ADD3: variants seen among roughly 807,000 people sequenced by gnomAD.
The protein encoded by ADD3 is adducin 3.
A neutral mutation model predicts 80.2 loss-of-function variants in ADD3; 25 were observed. The ratio of observed to expected loss-of-function variants is 0.31; its 90% CI spans 0.23 to 0.44. The LOEUF (loss-of-function observed/expected upper bound fraction) is 0.44, where lower values mean the gene tolerates loss of function less well. Among genes scored for constraint, ADD3 ranks in the 20% least tolerant of loss-of-function variants. ADD3 has a pLI of 1.00. For synonymous variants in ADD3, 284 were observed against 289.6 expected (o/e 0.98, Z 0.20); for missense variants, 829 against 847.5 (o/e 0.98, Z 0.27).
At chr10:110,009,705 C>T (rs1482992089) in intron 1 of ADD3, among the ~76,000 whole-genome samples, 1 of 152,168 alleles carries the variant, frequency 6.6e-6, no homozygotes, top group Non-Finnish European at 1.5e-5. Context: ...AAGGCAGCTA[C>T]ATTTAACTCT....
intron 1 of ADD3, among the ~76,000 whole-genome samples, chr10:109,996,867 C>T (rs1851390259): frequency 6.6e-6 from 1 of 152,240 alleles, no homozygotes; most frequent in South Asian, 2.1e-4. Flanking sequence ...TCTTCGGCCT[C>T]AATGAATTGT....
chr10:110,129,315 A>C lies in ADD3; in HGVS notation c.1609-1048A>C, dbSNP rs1411440782. 4.0e-5 allele frequency among the ~76,000 whole-genome samples: 6 copies of C among 151,876 alleles called. No homozygotes were observed. In the East Asian group the frequency reaches 1.2e-3, roughly 29 times the overall value. On this transcript the variant is annotated intron_variant, in intron 12 of 14. Coordinates refer to ENST00000356080, the MANE Select transcript of ADD3 (RefSeq NM_016824.5). ...CAGGCATGCACCACCATGCCCGGCT[A>C]ATTTTGTATTTTTAGTAGAGGCAGG... is the stretch of plus-strand genomic sequence containing the variant.
rs1480990026 is a variant in ADD3, at chr10:110,079,517, CTT to C, written c.-29-21104_-29-21103del. On this transcript the variant is annotated intron_variant, in intron 1 of 14. Transcript: ENST00000356080. ...GTGTGTGTGTGATCTACCTGAACAT[CTT>C]TTTAATACATATAAAATTATACCAT... is the stretch of plus-strand genomic sequence containing the variant. Among the ~76,000 whole-genome samples the C allele has an allele frequency of 3.0e-5, 4 of 133,478 alleles. No individual in the cohort carries two copies. The South Asian group carries it at 7.6e-4, about 25-fold the overall frequency. 87.6% of individuals were successfully genotyped at this position (133,478 alleles called of 152,430 possible).
chr10:110,008,643 C>G (rs1851943667), intron 1 of ADD3, among the ~76,000 whole-genome samples: 1 of 152,160 alleles, frequency 6.6e-6, no homozygotes, highest in Non-Finnish European at 1.5e-5. Flanking sequence ...AAATCAGTTA[C>G]TGGCTGAAGC....
Position 110,100,753 on chromosome 10 carries a change from G to GA in ADD3, c.102dup (p.Tyr35IlefsTer3). The GA allele has an allele frequency of 6.2e-7, 1 of 1,613,956 alleles. No homozygotes were observed. Among genetic ancestry groups the GA allele is most frequent in the Non-Finnish European group, 8.5e-7 (1 of 1,179,936 alleles). On this transcript the variant is annotated frameshift_variant, in exon 2 of 15. Transcript: ENST00000356080. LOFTEE classifies it high-confidence loss of function. The stretch of plus-strand genomic sequence containing the variant: ...TGACCGCATCAATGAAAATGACCCA[G>GA]AATACATTAGGGAGAGGAACATGTC...
At chr10:110,107,767 C>T (rs1443760972) in intron 2 of ADD3, among the ~76,000 whole-genome samples, 1 of 152,138 alleles carries the variant, frequency 6.6e-6, no homozygotes, top group Non-Finnish European at 1.5e-5. Flanking sequence ...TAAGAGCATG[C>T]AGTACAGCAC....
Position 110,118,571 on chromosome 10 carries a change from T to C in ADD3, c.568-16T>C. The C allele has an allele frequency of 6.2e-7, 1 of 1,611,898 alleles. No individual in the cohort carries two copies. Among genetic ancestry groups the C allele is most frequent in the South Asian group, 1.1e-5 (1 of 91,014 alleles). On this transcript the variant is annotated splice_polypyrimidine_tract_variant and intron_variant, in intron 5 of 14. Transcript: ENST00000356080. The stretch of plus-strand genomic sequence containing the variant: ...ACGTATATACCAGTTAAATATGTCC[T>C]TCTGATTTTTTCCAGGTGAAAGTCA...
chr10:110,110,023 T>C (rs1225248246), intron 2 of ADD3, among the ~76,000 whole-genome samples: 3 of 152,226 alleles, frequency 2.0e-5, no homozygotes, highest in Non-Finnish European at 4.4e-5. Flanking sequence ...TTTTGAGCTT[T>C]TATTATATTG....
chr10:110,104,961 T>C (rs1849248648), intron 2 of ADD3, among the ~76,000 whole-genome samples: 1 of 152,188 alleles, frequency 6.6e-6, no homozygotes, highest in South Asian at 2.1e-4. Context: ...ATTCTGCCTA[T>C]ATGTTTTTAT....
chr10:110,001,508 A>C (rs1046396751), upstream of ADD3, among the ~76,000 whole-genome samples: 9 of 152,208 alleles, frequency 5.9e-5, no homozygotes, highest in African/African-American at 2.2e-4. Context: ...TTTTGTGCTT[A>C]TCTGAATCTC....
At chr10:110,031,013 C>T (rs577846161) in intron 1 of ADD3, among the ~76,000 whole-genome samples, 52 of 151,894 alleles carry the variant, frequency 3.4e-4, no homozygotes, top group Non-Finnish European at 5.3e-4. Context: ...CGGTGGCTCA[C>T]GCCTGTAATC....
Position 110,134,100 on chromosome 10 carries a change from A to C in ADD3, c.*482A>C, listed in dbSNP as rs540715726. On this transcript the variant is annotated 3_prime_UTR_variant, in exon 15 of 15. Coordinates refer to ENST00000356080, the MANE Select transcript of ADD3 (RefSeq NM_016824.5). ...AACTTCTAAGACAAGAATCTATAGC[A>C]TTAGTATACACTGGCACATAATTTT... 6.6e-6 allele frequency: 1 copy of C among 152,652 alleles called. No homozygotes were observed. The highest frequency in any genetic ancestry group is 6.5e-5 in the Admixed American group (1 of 15,286). The allele number at this position is 152,652 out of a possible 1,614,324, so 9.5% of individuals were successfully genotyped here. A position where few individuals can be genotyped will look rare whatever the true frequency, so the allele number is the denominator to read the frequency against.
chr10:110,049,757 G>C (rs897115591), intron 1 of ADD3, among the ~76,000 whole-genome samples: 8 of 152,072 alleles, frequency 5.3e-5, no homozygotes, highest in Non-Finnish European at 1.2e-4. Context: ...CGTTGTGGCA[G>C]GCGCCTGTAG....
chr10:110,018,468 C>T (rs1853257098), intron 1 of ADD3, among the ~76,000 whole-genome samples: 1 of 137,312 alleles, frequency 7.3e-6, no homozygotes, highest in South Asian at 2.4e-4. Context: ...GCGGAGGTTG[C>T]AGTGAGCTGA....
At chr10:110,035,115 AT>A (rs1321169911) in intron 1 of ADD3, among the ~76,000 whole-genome samples, 1 of 152,216 alleles carries the variant, frequency 6.6e-6, no homozygotes, top group Non-Finnish European at 1.5e-5. Context: ...GCTAAGTAGT[AT>A]TTATAACCAG....
At position 110,065,539 on chromosome 10, in the gene ADD3, C is replaced by CTT. The variant is rs1217733559; in HGVS notation, c.-29-35069_-29-35068dup. Reference sequence around the variant, plus strand: ...TTTTTTCTTAGCCTCTCTCTCTCCCCTTTTTTTTTTTTTTTTTTGAGAAAG... The same window carrying CTT: ...TTTTTTCTTAGCCTCTCTCTCTCCCCTTTTTTTTTTTTTTTTTTTTGAGAAAG... On this transcript the variant is annotated intron_variant, in intron 1 of 14. Transcript: ENST00000356080. Among the ~76,000 whole-genome samples the CTT allele has an allele frequency of 1.6e-3, 49 of 31,182 alleles. 15 individuals carry two copies. The highest frequency in any genetic ancestry group is 7.0e-3 in the South Asian group (6 of 852). 20.5% of individuals were successfully genotyped at this position (31,182 alleles called of 152,430 possible).
At chr10:110,068,159 T>G (rs995177275) in intron 1 of ADD3, among the ~76,000 whole-genome samples, 1 of 152,198 alleles carries the variant, frequency 6.6e-6, no homozygotes, top group African/African-American at 2.4e-5. Flanking sequence ...ATGTCACCCT[T>G]GGCTCCCTAT....
chr10:110,017,340 G>A (rs1853124568), intron 1 of ADD3, among the ~76,000 whole-genome samples: 1 of 152,198 alleles, frequency 6.6e-6, no homozygotes, highest in South Asian at 2.1e-4. Flanking sequence ...ATACGATTGA[G>A]AATTCACTAG....
chr10:110,106,782 C>A (rs927193541), intron 2 of ADD3, among the ~76,000 whole-genome samples: 1 of 151,948 alleles, frequency 6.6e-6, no homozygotes, highest in African/African-American at 2.4e-5. Flanking sequence ...GTTCTGGGGG[C>A]AAATTAAGTT....
Sources: allele counts gnomAD v4.1 joint callset (sites outside exome capture counted in the v4.1 genomes callset), GRCh38; gene constraint gnomAD v4.1.1; transcripts MANE v1.5; gene names NCBI Gene and HGNC (gene_info 2026-07-23, HGNC 2026-07-21).